Variants in PKIB observed in about 807,000 individuals in gnomAD.
PKIB encodes the protein PKI-beta.
In PKIB, 2 loss-of-function variants were observed where a neutral mutation model predicts 4.5. That is an observed-to-expected ratio of 0.44 (90% CI 0.18 to 1.39). The LOEUF (loss-of-function observed/expected upper bound fraction) is 1.39, where lower values mean the gene tolerates loss of function less well. Among genes scored for constraint, PKIB ranks in the 40% most tolerant of loss-of-function variants. The pLI is 0.27. For missense variants in PKIB, 94 were observed against 92.6 expected, an observed-to-expected ratio of 1.02 and a Z score of -0.06; for synonymous variants, 38 against 36.0, an observed-to-expected ratio of 1.06 and a Z score of -0.20.
intron 3 of PKIB, among the ~76,000 whole-genome samples, chr6:122,604,624 C>T (rs752729843): frequency 1.3e-5 from 2 of 152,080 alleles, no homozygotes; most frequent in Non-Finnish European, 2.9e-5. Flanking sequence ...GGCTTAATTT[C>T]GATTTAATAA....
At chr6:122,622,993 A>C (rs1775301973) in intron 1 of PKIB, among the ~76,000 whole-genome samples, 1 of 152,184 alleles carries the variant, frequency 6.6e-6, no homozygotes, top group Non-Finnish European at 1.5e-5. Context: ...GTCAATGCAA[A>C]GTAATTTTTT....
intron 3 of PKIB, among the ~76,000 whole-genome samples, chr6:122,600,210 G>A (rs537334457): frequency 3.9e-5 from 6 of 152,206 alleles, no homozygotes; most frequent in Admixed American, 2.6e-4. Context: ...AAAGATGTAG[G>A]CTGGGAGGCT....
At position 122,524,343 on chromosome 6, in the gene PKIB, T is replaced by TTCC. The variant is rs199816196; in HGVS notation, c.-248+46422_-248+46424dup. The stretch of plus-strand genomic sequence containing the variant: ...CTCTTCCTCCTCCTCCTTCTTCTTC[T>TTCC]TCCTCCTCCTCCTCCTCCTCTTTTT... On this transcript the variant is annotated intron_variant, in intron 2 of 6. Coordinates refer to the PKIB transcript ENST00000392491. Among the ~76,000 whole-genome samples the TTCC allele has an allele frequency of 2.5e-3, 370 of 148,354 alleles. 1 individual carries two copies. The highest frequency in any genetic ancestry group is 8.5e-3 in the African/African-American group (334 of 39,198).
At chr6:122,506,648 G>T (rs1006627904) in intron 2 of PKIB, among the ~76,000 whole-genome samples, 1 of 150,592 alleles carries the variant, frequency 6.6e-6, no homozygotes, top group Admixed American at 6.6e-5. Flanking sequence ...AATTAATGAC[G>T]ATTTTATAGG....
At chr6:122,482,799 T>A (rs1775661314) in intron 2 of PKIB, 1 of 152,158 alleles carries the variant, frequency 6.6e-6, no homozygotes, top group Non-Finnish European at 1.5e-5. Context: ...TCTGTCTTCC[T>A]TGCTCTCCCA....
intron 2 of PKIB, among the ~76,000 whole-genome samples, chr6:122,546,952 T>C (rs1021258612): frequency 7.9e-5 from 12 of 152,176 alleles, no homozygotes; most frequent in African/African-American, 2.7e-4. Flanking sequence ...AGCACAGAGA[T>C]ACAGGGGAAG....
At chr6:122,535,982 C>T (rs1230599226) in intron 2 of PKIB, among the ~76,000 whole-genome samples, 1 of 152,120 alleles carries the variant, frequency 6.6e-6, no homozygotes, top group African/African-American at 2.4e-5. Flanking sequence ...GACTCTGTCA[C>T]CCAAGTTGAA....
chr6:122,666,606 T>G (rs1436115363), intron 2 of PKIB, among the ~76,000 whole-genome samples: 2 of 152,226 alleles, frequency 1.3e-5, no homozygotes, highest in African/African-American at 4.8e-5. Context: ...TCTGTGTGCT[T>G]TTTGAAACAG....
chr6:122,629,561 C>A lies in PKIB; in HGVS notation c.-160-3722C>A, dbSNP rs182477555. On this transcript the variant is annotated intron_variant, in intron 1 of 4. Coordinates refer to ENST00000368452, the MANE Select transcript of PKIB (RefSeq NM_181795.3). ...AATTGTGGGCTACACATAGTGACTT[C>A]TTTCCCAAAAATACAGAGGAAAGCA... Among the ~76,000 whole-genome samples the A allele has an allele frequency of 3.1e-3, 477 of 152,288 alleles. 2 individuals carry two copies. The highest frequency in any genetic ancestry group is 5.4e-3 in the Non-Finnish European group (367 of 68,024).
chr6:122,598,345 C>T (rs1216950711), intron 3 of PKIB, among the ~76,000 whole-genome samples: 1 of 152,334 alleles, frequency 6.6e-6, no homozygotes, highest in South Asian at 2.1e-4. Flanking sequence ...CAGAGCTCTA[C>T]ACAAGTCAGA....
At chr6:122,668,232 A>G (rs1232686937) in intron 2 of PKIB, among the ~76,000 whole-genome samples, 1 of 152,238 alleles carries the variant, frequency 6.6e-6, no homozygotes, top group Admixed American at 6.5e-5. Context: ...GTGTACCAGT[A>G]TTAAGAGTTT....
At chr6:122,596,933 T>C (rs1774197978) in intron 3 of PKIB, among the ~76,000 whole-genome samples, 2 of 152,142 alleles carry the variant, frequency 1.3e-5, no homozygotes, top group African/African-American at 4.8e-5. Flanking sequence ...TACACCCAAA[T>C]GAGGAATGTG....
chr6:122,521,010 T>C lies in PKIB; in HGVS notation c.-248+43071T>C, dbSNP rs528583808. Among the ~76,000 whole-genome samples, 5 of 152,332 alleles carry C rather than the reference T, an allele frequency of 3.3e-5. 1 individual carries two copies. The South Asian group carries it at 1.0e-3, about 32-fold the overall frequency. On this transcript the variant is annotated intron_variant, in intron 2 of 6. Coordinates refer to the PKIB transcript ENST00000392491. ...TGAGGCAAAACTTTGTGGCAGAATTTCTTCAACTTTTGAAGCACTGGTTGT... is the reference window on the plus strand; with the variant it reads ...TGAGGCAAAACTTTGTGGCAGAATTCCTTCAACTTTTGAAGCACTGGTTGT...
intron 3 of PKIB, among the ~76,000 whole-genome samples, chr6:122,691,195 T>C (rs189237328): frequency 2.7e-4 from 41 of 152,234 alleles, no homozygotes; most frequent in African/African-American, 8.9e-4. Context: ...CTTGATATTC[T>C]ATAACCTTCC....
intron 2 of PKIB, among the ~76,000 whole-genome samples, chr6:122,558,508 G>A (rs1772914416): frequency 2.0e-5 from 3 of 152,084 alleles, no homozygotes; most frequent in South Asian, 2.1e-4. Flanking sequence ...AAATAGAGAA[G>A]TCTATAAGAA....
chr6:122,680,438 T>C (rs942463491), intron 3 of PKIB, among the ~76,000 whole-genome samples: 2 of 152,188 alleles, frequency 1.3e-5, no homozygotes, highest in Admixed American at 1.3e-4. Context: ...TTCAGACCTA[T>C]GGTTGAATGA....
chr6:122,696,146 G>A (rs1778561112), intron 3 of PKIB, among the ~76,000 whole-genome samples: 1 of 152,278 alleles, frequency 6.6e-6, no homozygotes, highest in South Asian at 2.1e-4. Flanking sequence ...TAAACAAAGA[G>A]CCATAGTCTT....
At chr6:122,709,168 T>A (rs1779177887) in intron 3 of PKIB, among the ~76,000 whole-genome samples, 2 of 152,182 alleles carry the variant, frequency 1.3e-5, no homozygotes, top group African/African-American at 4.8e-5. Flanking sequence ...TCCTACTTTT[T>A]AAAAATGTAG....
intron 3 of PKIB, chr6:122,701,514 C>T: frequency 4.4e-6 from 7 of 1,593,670 alleles, no homozygotes; most frequent in Non-Finnish European, 6.0e-6. Flanking sequence ...TAGTTAACAA[C>T]CATTTTCTTC....
Sources: gnomAD v4.1 joint callset for allele counts (sites outside exome capture counted in the v4.1 genomes callset) on GRCh38, gnomAD v4.1.1 for gene constraint, MANE v1.5 for transcripts, NCBI Gene and HGNC (gene_info 2026-07-23, HGNC 2026-07-21) for gene names.